ROR2: variants seen among roughly 807,000 people sequenced by gnomAD.
ROR2 encodes ROR family WNT receptor 2, also known as tyrosine-protein kinase transmembrane receptor ROR2.
A neutral mutation model predicts 74.9 loss-of-function variants in ROR2; 33 were observed. That is an observed-to-expected ratio of 0.44 (90% confidence interval 0.33 to 0.59). ROR2 has a LOEUF of 0.59. Among genes scored for constraint, ROR2 ranks in the 20% least tolerant of loss-of-function variants. The pLI is 0.02. For synonymous variants in ROR2, 586 were observed against 558.7 expected (o/e 1.05, Z -0.69); for missense variants, 1,216 against 1,313.8 (o/e 0.93, Z 1.15).
At chr9:91,915,525 C>T (rs530841973) in intron 1 of ROR2, among the ~76,000 whole-genome samples, 3 of 151,872 alleles carry the variant, frequency 2.0e-5, no homozygotes, top group Non-Finnish European at 4.4e-5. Context: ...TTACAGCTTT[C>T]AAAGGTGGCA....
chr9:91,877,614 TAA>T (rs1044255129), intron 1 of ROR2, among the ~76,000 whole-genome samples: 1 of 152,244 alleles, frequency 6.6e-6, no homozygotes, highest in African/African-American at 2.4e-5. Flanking sequence ...CAATCACTCC[TAA>T]GAGTCAATTC....
chr9:91,755,872 CTTTT>C, intron 4 of ROR2, 195 bp downstream of exon 4: 1 of 637,134 alleles, frequency 1.6e-6, no homozygotes, highest in Non-Finnish European at 2.8e-6. Context: ...GTTTTTCTGA[CTTTT>C]TTTCTGTACA....
intron 1 of ROR2, among the ~76,000 whole-genome samples, chr9:91,827,730 A>T (rs1364595733): frequency 6.6e-6 from 1 of 152,270 alleles, no homozygotes; most frequent in Non-Finnish European, 1.5e-5. Flanking sequence ...GTCTAAGAAT[A>T]TAATTTTGTT....
intron 1 of ROR2, among the ~76,000 whole-genome samples, chr9:91,876,450 C>A (rs1199985844): frequency 6.6e-6 from 1 of 152,074 alleles, no homozygotes; most frequent in East Asian, 1.9e-4. Context: ...GGTAAAATAG[C>A]CAGTCCCCGA....
At chr9:91,922,255 A>C (rs1284313990) in intron 1 of ROR2, among the ~76,000 whole-genome samples, 1 of 152,146 alleles carries the variant, frequency 6.6e-6, no homozygotes, top group East Asian at 1.9e-4. Context: ...CCCAAAAAAA[A>C]AAACATGGAA....
chr9:91,800,354 A>AAGAGAG (rs1554763426), intron 1 of ROR2, among the ~76,000 whole-genome samples: 12,418 of 149,226 alleles, frequency 0.083, 1,372 homozygotes, highest in African/African-American at 0.25. Flanking sequence ...AAAAAAAAAA[A>AAGAGAG]AGAGAGAGAG....
At chr9:91,726,257 G>A (rs991707795) in intron 8 of ROR2, among the ~76,000 whole-genome samples, 8 of 152,200 alleles carry the variant, frequency 5.3e-5, no homozygotes, top group Admixed American at 2.6e-4. Flanking sequence ...GAGGCACCTG[G>A]ACAGTGAGGA....
At chr9:91,890,019 A>G (rs573897072) in intron 1 of ROR2, among the ~76,000 whole-genome samples, 3 of 152,310 alleles carry the variant, frequency 2.0e-5, no homozygotes, top group African/African-American at 7.2e-5. Context: ...TTTCTCCCAC[A>G]CTGACTGGAC....
chr9:91,765,116 T>G (rs1826021659), intron 2 of ROR2, among the ~76,000 whole-genome samples: 1 of 152,228 alleles, frequency 6.6e-6, no homozygotes, highest in Admixed American at 6.5e-5. Context: ...CAGTATTTCA[T>G]AAAATATTAA....
chr9:91,949,774 G>A lies in ROR2; in HGVS notation c.97+93C>T, dbSNP rs147067450. The A allele has an allele frequency of 6.6e-3, 5,475 of 835,402 alleles. 214 individuals carry two copies. The African/African-American group carries it at 0.081, about 12-fold the overall frequency. 51.7% of individuals were successfully genotyped at this position (835,402 alleles called of 1,614,324 possible). On this transcript the variant is annotated intron_variant, in intron 1 of 8. Transcript: ENST00000375708. ...CCCCTCGTTCAGGAGCATGGGCGCC[G>A]GCGCAGCGGCCGGGAGCATAGTGGC... is the stretch of plus-strand genomic sequence containing the variant.
intron 1 of ROR2, among the ~76,000 whole-genome samples, chr9:91,792,534 T>C (rs926186496): frequency 2.6e-5 from 4 of 152,160 alleles, no homozygotes; most frequent in Non-Finnish European, 5.9e-5. Flanking sequence ...GGTCTCGATC[T>C]CCTGACCTTG....
intron 1 of ROR2, among the ~76,000 whole-genome samples, chr9:91,904,506 G>A (rs1830761848): frequency 6.6e-6 from 1 of 152,232 alleles, no homozygotes; most frequent in Non-Finnish European, 1.5e-5. Context: ...CTGGAGAAAA[G>A]CCATCCAGTC....
intron 1 of ROR2, among the ~76,000 whole-genome samples, chr9:91,781,936 T>C (rs1826632962): frequency 6.6e-6 from 1 of 152,260 alleles, no homozygotes; most frequent in African/African-American, 2.4e-5. Flanking sequence ...TTCTACTTTC[T>C]GTCTCTGACA....
At chr9:91,863,248 ACT>A (rs1196901520) in intron 1 of ROR2, among the ~76,000 whole-genome samples, 18 of 151,916 alleles carry the variant, frequency 1.2e-4, no homozygotes, top group Non-Finnish European at 2.4e-4. Flanking sequence ...CTGGTTCTGA[ACT>A]CCTGGCCTCA....
chr9:91,741,313 A>AT (rs1053648953), intron 4 of ROR2, among the ~76,000 whole-genome samples: 8 of 128,360 alleles, frequency 6.2e-5, no homozygotes, highest in Admixed American at 3.7e-4. Context: ...AGTAATAATA[A>AT]TAATAATAAT....
intron 1 of ROR2, among the ~76,000 whole-genome samples, chr9:91,917,896 G>A (rs1831174545): frequency 6.6e-6 from 1 of 152,206 alleles, no homozygotes; most frequent in South Asian, 2.1e-4. Flanking sequence ...AGCTTTATAA[G>A]TAGAAAGCTC....
intron 1 of ROR2, among the ~76,000 whole-genome samples, chr9:91,843,931 G>A (rs1828853669): frequency 6.6e-6 from 1 of 152,358 alleles, no homozygotes; most frequent in Non-Finnish European, 1.5e-5. Context: ...TGCCGGCCCT[G>A]CTGTCTGCAC....
chr9:91,844,701 A>T (rs960257919), intron 1 of ROR2, among the ~76,000 whole-genome samples: 3 of 152,176 alleles, frequency 2.0e-5, no homozygotes, highest in Non-Finnish European at 4.4e-5. Flanking sequence ...AATAGGTGTA[A>T]TAGGTTCGTG....
chr9:91,863,785 A>G (rs56119264), intron 1 of ROR2, among the ~76,000 whole-genome samples: 13,253 of 152,036 alleles, frequency 0.087, 833 homozygotes, highest in Non-Finnish European at 0.12. Context: ...ACTGATGGGC[A>G]TGGTTTTCAG....
Sources: allele counts gnomAD v4.1 joint callset (sites outside exome capture counted in the v4.1 genomes callset), GRCh38; gene constraint gnomAD v4.1.1; transcripts MANE v1.5; gene names NCBI Gene and HGNC (gene_info 2026-07-23, HGNC 2026-07-21).